The following PDCL2 variants were observed in gnomAD, a reference collection of about 807,000 sequenced individuals.
PDCL2 encodes phosducin-like protein 2.
Under a neutral mutation model 30.3 loss-of-function variants are expected in PDCL2, and 23 were observed. That is an observed-to-expected ratio of 0.76 (90% CI 0.55 to 1.08). The LOEUF (loss-of-function observed/expected upper bound fraction) is 1.08, where lower values mean the gene tolerates loss of function less well. PDCL2 is among the 50% of genes least tolerant of loss of function. PDCL2 has a pLI of 0.00. For missense variants in PDCL2, 243 were observed against 282.3 expected (o/e 0.86, Z 1.00); for synonymous variants, 68 against 86.2 (o/e 0.79, Z 1.17).
intron 1 of PDCL2, among the ~76,000 whole-genome samples, chr4:55,587,989 A>G (rs6829182): frequency 0.42 from 64,055 of 152,040 alleles, 15,192 homozygotes; most frequent in African/African-American, 0.64. Context: ...GTCAAACTCA[A>G]TGTCATGAAT....
chr4:55,585,450 C>T (rs1732834529), intron 1 of PDCL2, among the ~76,000 whole-genome samples: 1 of 152,028 alleles, frequency 6.6e-6, no homozygotes, highest in African/African-American at 2.4e-5. Flanking sequence ...ATCACTTGAA[C>T]CCGGGAGGCG....
chr4:55,556,561 T>C lies in PDCL2; in HGVS notation c.722A>G (p.Lys241Arg). The change falls in exon 6 of 6, where the codon AAA (lysine) becomes AGA (arginine). Residue 241 changes from lysine (K) to arginine (R), a missense_variant. Transcript: ENST00000295645. ...CTATTTATTGAATATTTCTCTCTAT[T>C]TGGTATCATTATCACTGTTGGAGCT... is the stretch of plus-strand genomic sequence containing the variant. ...SDSSNSDNDT[K>R] 1 of 1,542,654 alleles carries C rather than the reference T, an allele frequency of 6.5e-7. No individual in the cohort carries two copies. Among genetic ancestry groups the C allele is most frequent in the Non-Finnish European group, 8.8e-7 (1 of 1,139,626 alleles).
chr4:55,579,258 C>T (rs577121823), intron 3 of PDCL2, among the ~76,000 whole-genome samples: 43 of 151,984 alleles, frequency 2.8e-4, no homozygotes, highest in African/African-American at 9.4e-4. Flanking sequence ...TAACACACAC[C>T]GTGGGATCAA....
At chr4:55,563,866 C>A (rs1732196997) in intron 4 of PDCL2, among the ~76,000 whole-genome samples, 1 of 152,142 alleles carries the variant, frequency 6.6e-6, no homozygotes, top group Admixed American at 6.5e-5. Context: ...CAGGTAGCAG[C>A]CCTCAAAGAG....
Position 55,556,654 on chromosome 4 carries a change from G to T in PDCL2, c.629C>A (p.Pro210His). 2 of 1,569,948 alleles carry T rather than the reference G, an allele frequency of 1.3e-6. No individual in the cohort carries two copies. Among genetic ancestry groups the T allele is most frequent in the South Asian group, 1.2e-5 (1 of 85,496 alleles). ...CATCATATCTACCATGTCTTTTCTG[G>T]GGTTTTCTTCCAAATCAGTCTGTAT... ...GAIQTDLEEN[P>H]RKDMVDMMVS... The change falls in exon 6 of 6, where the codon CCC (proline) becomes CAC (histidine). Residue 210 changes from proline (P) to histidine (H), a missense_variant. By Grantham distance (77) the Pro-to-His change is moderately conservative. Transcript: ENST00000295645.
chr4:55,569,999 T>A, intron 3 of PDCL2, 138 bp from the exon 4 acceptor site: 1 of 602,836 alleles, frequency 1.7e-6, no homozygotes, highest in Non-Finnish European at 2.6e-6. Flanking sequence ...TAACCATGAA[T>A]GATCTTATAA....
At chr4:55,562,342 A>G in intron 5 of PDCL2, 62 bp downstream of exon 5, 5 of 1,147,500 alleles carry the variant, frequency 4.4e-6, no homozygotes, top group Non-Finnish European at 5.9e-6. Context: ...AGCTTTCAGG[A>G]TGCTTGTTAG....
At chr4:55,573,282 G>C (rs1342258936) in intron 3 of PDCL2, among the ~76,000 whole-genome samples, 3 of 152,152 alleles carry the variant, frequency 2.0e-5, no homozygotes, top group African/African-American at 7.2e-5. Flanking sequence ...TTATTGCTGT[G>C]TATAAATTTT....
intron 1 of PDCL2, 136 bp from the exon 2 acceptor site, chr4:55,582,373 A>G: frequency 9.9e-7 from 1 of 1,014,090 alleles, no homozygotes; most frequent in Non-Finnish European, 1.4e-6. Flanking sequence ...TGAAGAATAA[A>G]GCAAAGTGAC....
intron 5 of PDCL2, among the ~76,000 whole-genome samples, chr4:55,558,245 T>C (rs972606906): frequency 4.6e-5 from 7 of 152,154 alleles, no homozygotes; most frequent in African/African-American, 1.7e-4. Context: ...CTCACCCTAA[T>C]CTCACCTTGA....
chr4:55,563,296 C>T (rs560104852), intron 4 of PDCL2, among the ~76,000 whole-genome samples: 110 of 152,316 alleles, frequency 7.2e-4, no homozygotes, highest in Middle Eastern at 3.4e-3. Flanking sequence ...CTTCCACCTC[C>T]CTTGGGATCT....
chr4:55,574,094 G>A (rs1211781772), intron 3 of PDCL2, among the ~76,000 whole-genome samples: 8 of 152,072 alleles, frequency 5.3e-5, no homozygotes, highest in African/African-American at 1.7e-4. Flanking sequence ...CTTTAAATCA[G>A]CACTAGCAAG....
At chr4:55,583,918 A>G (rs1732790318) in intron 1 of PDCL2, among the ~76,000 whole-genome samples, 1 of 152,170 alleles carries the variant, frequency 6.6e-6, no homozygotes, top group Non-Finnish European at 1.5e-5. Flanking sequence ...GGATTTTAGA[A>G]TTGCTTTTTC....
At position 55,562,505 on chromosome 4, in the gene PDCL2, T is replaced by C. The variant is rs1231751667; in HGVS notation, c.470A>G (p.His157Arg). Residue 157 changes from histidine to arginine, a missense_variant, in exon 5 of 6, where the codon CAT (histidine) becomes CGT (arginine). Coordinates refer to ENST00000295645, the MANE Select transcript of PDCL2 (RefSeq NM_152401.3). ...AIVNSCIQHY[H>R]DNCLPTIFVY... is the part of the protein sequence containing the mutation. The stretch of plus-strand genomic sequence containing the variant: ...AAAAATTGTTGGTAAACAATTGTCA[T>C]GGTAGTGTTGAATACAGCTATTCAC... 3 of 1,586,714 alleles carry C rather than the reference T, an allele frequency of 1.9e-6. No homozygotes were observed. Among genetic ancestry groups the C allele is most frequent in the Non-Finnish European group, 2.6e-6 (3 of 1,167,520 alleles).
intron 3 of PDCL2, among the ~76,000 whole-genome samples, chr4:55,573,989 G>A (rs1732497492): frequency 6.6e-6 from 1 of 151,470 alleles, no homozygotes; most frequent in African/African-American, 2.4e-5. Context: ...TGCCTCCCAG[G>A]TTCAAGCGAT....
chr4:55,589,050 G>A (rs867439433), intron 1 of PDCL2, among the ~76,000 whole-genome samples: 4 of 151,894 alleles, frequency 2.6e-5, no homozygotes, highest in South Asian at 4.2e-4. Flanking sequence ...TAGTAGAGAC[G>A]GGGTTTCACC....
At chr4:55,578,783 G>A (rs1339789695) in intron 3 of PDCL2, among the ~76,000 whole-genome samples, 3 of 152,106 alleles carry the variant, frequency 2.0e-5, no homozygotes, top group Non-Finnish European at 4.4e-5. Flanking sequence ...GATAGTATCT[G>A]CCTATAAACT....
At chr4:55,569,218 T>TC (rs1402355136) in intron 4 of PDCL2, among the ~76,000 whole-genome samples, 1 of 151,494 alleles carries the variant, frequency 6.6e-6, no homozygotes. Flanking sequence ...AAATATAATT[T>TC]TTTTTTCTTT....
chr4:55,582,765 G>C (rs4328971), intron 1 of PDCL2, among the ~76,000 whole-genome samples: 100,962 of 131,752 alleles, frequency 0.77, 38,331 homozygotes, highest in East Asian at 0.9. Context: ...CCTCCCCCAA[G>C]CCCATGACAG....
Sources: gnomAD v4.1 joint callset for allele counts (sites outside exome capture counted in the v4.1 genomes callset) on GRCh38, gnomAD v4.1.1 for gene constraint, MANE v1.5 for transcripts, NCBI Gene and HGNC (gene_info 2026-07-23, HGNC 2026-07-21) for gene names.